ARHGAP24: variants seen among roughly 807,000 people sequenced by gnomAD.
ARHGAP24 encodes rho GTPase-activating protein 24.
In ARHGAP24, 50 loss-of-function variants were observed where a neutral mutation model predicts 76.4. The ratio of observed to expected loss-of-function variants is 0.65; its 90% CI spans 0.52 to 0.83. The LOEUF (loss-of-function observed/expected upper bound fraction) is 0.83. Ranked by LOEUF, ARHGAP24 falls within the 40% of genes least tolerant of loss-of-function variation. The probability of loss-of-function intolerance (pLI) is 0.00; values close to 1 mark genes in which losing one functional copy is unlikely to be tolerated. For synonymous variants in ARHGAP24, 345 were observed against 323.3 expected, an observed-to-expected ratio of 1.07 and a Z score of -0.72; for missense variants, 930 against 914.2, an observed-to-expected ratio of 1.02 and a Z score of -0.22.
intron 2 of ARHGAP24, among the ~76,000 whole-genome samples, chr4:85,693,973 G>A (rs1031323857): frequency 2.6e-5 from 4 of 152,118 alleles, no homozygotes; most frequent in African/African-American, 9.7e-5. Flanking sequence ...AGAGGACCAT[G>A]GTGAGAGTCA....
chr4:85,862,463 T>C (rs1166369841), intron 3 of ARHGAP24, among the ~76,000 whole-genome samples: 2 of 152,054 alleles, frequency 1.3e-5, no homozygotes. Flanking sequence ...TACAGGCACA[T>C]ACTCCTAAGT....
chr4:85,676,698 G>A (rs1722992049), intron 2 of ARHGAP24, among the ~76,000 whole-genome samples: 2 of 152,136 alleles, frequency 1.3e-5, no homozygotes, highest in African/African-American at 4.8e-5. Context: ...GCAAGGAAAA[G>A]GGTTATGAAA....
At chr4:85,560,146 T>C (rs576611870) in intron 1 of ARHGAP24, among the ~76,000 whole-genome samples, 9 of 152,148 alleles carry the variant, frequency 5.9e-5, no homozygotes, top group Non-Finnish European at 1.3e-4. Context: ...TTGATTTTTG[T>C]TTCTACTCAG....
intron 5 of ARHGAP24, among the ~76,000 whole-genome samples, chr4:85,948,554 G>T (rs1441273051): frequency 1.3e-5 from 2 of 152,176 alleles, no homozygotes; most frequent in Non-Finnish European, 2.9e-5. Flanking sequence ...CCTGTAAGCA[G>T]TTATCTCCAA....
At chr4:85,695,135 A>G (rs1308807532) in intron 2 of ARHGAP24, among the ~76,000 whole-genome samples, 1 of 152,234 alleles carries the variant, frequency 6.6e-6, no homozygotes, top group Non-Finnish European at 1.5e-5. Flanking sequence ...TTAATGTTGT[A>G]TATGCGTATT....
intron 3 of ARHGAP24, among the ~76,000 whole-genome samples, chr4:85,746,743 C>T (rs189293403): frequency 6.6e-6 from 1 of 152,194 alleles, no homozygotes; most frequent in East Asian, 1.9e-4. Context: ...CTTCACCTCC[C>T]AGGTTCAAGT....
At chr4:85,656,772 G>T (rs972270198) in intron 2 of ARHGAP24, among the ~76,000 whole-genome samples, 4 of 147,238 alleles carry the variant, frequency 2.7e-5, no homozygotes, top group Non-Finnish European at 5.9e-5. Flanking sequence ...GGCCAATAAA[G>T]CTTATTTTTA....
chr4:85,808,950 T>C (rs1259881677), intron 3 of ARHGAP24, among the ~76,000 whole-genome samples: 3 of 152,182 alleles, frequency 2.0e-5, no homozygotes, highest in African/African-American at 7.2e-5. Flanking sequence ...TATGTCTTCC[T>C]AGAAGTTATA....
At chr4:85,610,482 A>AAAAAG (rs1720345552) in intron 2 of ARHGAP24, among the ~76,000 whole-genome samples, 1 of 109,296 alleles carries the variant, frequency 9.1e-6, no homozygotes, top group Non-Finnish European at 2.0e-5. Context: ...AAAAAAAAAA[A>AAAAAG]GAAAGCACCC....
intron 3 of ARHGAP24, among the ~76,000 whole-genome samples, chr4:85,904,482 T>G (rs192382378): frequency 2.2e-4 from 33 of 152,360 alleles, no homozygotes; most frequent in Non-Finnish European, 4.1e-4. Context: ...GCATGTGATC[T>G]GGGCAGAGAC....
chr4:85,552,672 A>G (rs1469499377), intron 1 of ARHGAP24, among the ~76,000 whole-genome samples: 2 of 152,192 alleles, frequency 1.3e-5, no homozygotes, highest in Admixed American at 6.5e-5. Context: ...GTAGGTATCT[A>G]AGAACTTTCT....
intron 3 of ARHGAP24, among the ~76,000 whole-genome samples, chr4:85,761,681 G>A (rs1238214260): frequency 6.6e-6 from 1 of 152,174 alleles, no homozygotes; most frequent in African/African-American, 2.4e-5. Flanking sequence ...TGGAGACTCA[G>A]ATTACTCAAA....
At position 85,713,880 on chromosome 4, in the gene ARHGAP24, G is replaced by A. The variant is rs752701240; in HGVS notation, c.181-8005G>A. Among the ~76,000 whole-genome samples the A allele has an allele frequency of 4.7e-4, 72 of 152,058 alleles. 1 individual carries two copies. Among genetic ancestry groups the A allele is most frequent in the Admixed American group, 2.6e-3 (39 of 15,254 alleles). The stretch of plus-strand genomic sequence containing the variant: ...AAAGAGCACCTCAAGAAAGGTAGTG[G>A]GATGTTCCAGACAAATGTTGAATGC... On this transcript the variant is annotated intron_variant, in intron 2 of 9. Coordinates refer to ENST00000395184, the MANE Select transcript of ARHGAP24 (RefSeq NM_001025616.3).
chr4:85,666,470 C>A (rs186270313), intron 2 of ARHGAP24, among the ~76,000 whole-genome samples: 1 of 152,150 alleles, frequency 6.6e-6, no homozygotes, highest in Admixed American at 6.5e-5. Flanking sequence ...TAATTTTGAT[C>A]GTCTGAAGCC....
At chr4:85,688,207 C>G (rs967484233) in intron 2 of ARHGAP24, among the ~76,000 whole-genome samples, 7 of 152,052 alleles carry the variant, frequency 4.6e-5, no homozygotes, top group African/African-American at 1.4e-4. Context: ...ATATATGTTC[C>G]CTTCTCTCCA....
At chr4:85,666,737 T>C (rs143398853) in intron 2 of ARHGAP24, among the ~76,000 whole-genome samples, 6,932 of 152,268 alleles carry the variant, frequency 0.046, 384 homozygotes, top group East Asian at 0.28. Flanking sequence ...GCTGCAGGTC[T>C]GTTGGAGTTT....
intron 2 of ARHGAP24, among the ~76,000 whole-genome samples, chr4:85,627,569 G>A (rs190705564): frequency 1.4e-4 from 21 of 152,286 alleles, no homozygotes; most frequent in East Asian, 3.9e-4. Flanking sequence ...CTCAAGCTGC[G>A]TGCTGGGAGA....
At chr4:85,654,033 A>G (rs553353064) in intron 2 of ARHGAP24, among the ~76,000 whole-genome samples, 52 of 152,228 alleles carry the variant, frequency 3.4e-4, no homozygotes, top group African/African-American at 1.2e-3. Flanking sequence ...TAGAGTATGT[A>G]TTACAAAAAT....
chr4:85,997,487 G>T (rs1228709123), intron 9 of ARHGAP24, among the ~76,000 whole-genome samples: 1 of 151,726 alleles, frequency 6.6e-6, no homozygotes, highest in Non-Finnish European at 1.5e-5. Flanking sequence ...CAAGTATTGA[G>T]GGTGGATGGA....
Sources: allele counts gnomAD v4.1 joint callset (sites outside exome capture counted in the v4.1 genomes callset), GRCh38; gene constraint gnomAD v4.1.1; transcripts MANE v1.5; gene names NCBI Gene and HGNC (gene_info 2026-07-23, HGNC 2026-07-21).